RASSF3: variants seen among roughly 807,000 people sequenced by gnomAD.
RASSF3 encodes the protein ras association domain-containing protein 3.
RASSF3 carries 19 observed loss-of-function variants against 19.9 expected under a neutral mutation model. That is an observed-to-expected ratio of 0.96 (90% CI 0.67 to 1.40). The LOEUF (loss-of-function observed/expected upper bound fraction) is 1.40, where lower values mean the gene tolerates loss of function less well. Among genes scored for constraint, RASSF3 ranks in the 40% most tolerant of loss-of-function variants. RASSF3 has a pLI of 0.00. For synonymous variants in RASSF3, 110 were observed against 104.2 expected (o/e 1.06, Z -0.34); for missense variants, 306 against 289.8 (o/e 1.06, Z -0.41).
At chr12:64,557,107 G>T (rs765068490) in intron 2 of RASSF3, among the ~76,000 whole-genome samples, 4 of 152,024 alleles carry the variant, frequency 2.6e-5, no homozygotes, top group Non-Finnish European at 5.9e-5. Context: ...AAAGTGCTAG[G>T]ATTACAGGTA....
intron 1 of RASSF3, among the ~76,000 whole-genome samples, chr12:64,621,355 G>C (rs1870755004): frequency 6.6e-6 from 1 of 152,196 alleles, no homozygotes; most frequent in Admixed American, 6.5e-5. Context: ...GCAAAATCTT[G>C]AGAGAGCACT....
chr12:64,690,505 TTACTCTGTCACC>T (rs1348502707), intron 3 of RASSF3, among the ~76,000 whole-genome samples: 2 of 151,884 alleles, frequency 1.3e-5, no homozygotes, highest in Non-Finnish European at 2.9e-5. Flanking sequence ...AGACAGCGTC[TTACTCTGTCACC>T]TAGGCTGGAG....
At chr12:64,544,406 G>A (rs952296501), downstream of RASSF3, among the ~76,000 whole-genome samples, 2 of 152,194 alleles carry the variant, frequency 1.3e-5, no homozygotes, top group African/African-American at 4.8e-5. Context: ...TTCAAGAACT[G>A]TAATACTCAC....
chr12:64,582,520 T>C (rs1454131814), intron 2 of RASSF3, among the ~76,000 whole-genome samples: 1 of 152,228 alleles, frequency 6.6e-6, no homozygotes, highest in Non-Finnish European at 1.5e-5. Context: ...TCTTTTTCTG[T>C]CTTCAAGACA....
chr12:64,615,407 A>G (rs543979614), intron 1 of RASSF3, among the ~76,000 whole-genome samples: 39 of 152,310 alleles, frequency 2.6e-4, no homozygotes, highest in Non-Finnish European at 5.4e-4. Context: ...AACAACCCAC[A>G]CTTTAAAAAA....
chr12:64,630,347 G>A (rs904884369), intron 1 of RASSF3, among the ~76,000 whole-genome samples: 22 of 152,102 alleles, frequency 1.4e-4, no homozygotes, highest in Admixed American at 1.1e-3. Flanking sequence ...GCAACAGAGC[G>A]AGACATTGTC....
chr12:64,551,282 A>G (rs1869155385), intron 2 of RASSF3, among the ~76,000 whole-genome samples: 1 of 152,216 alleles, frequency 6.6e-6, no homozygotes, highest in Admixed American at 6.5e-5. Flanking sequence ...GGCGGGCACT[A>G]TAACATGCAA....
chr12:64,604,651 C>T lies in RASSF3; in HGVS notation c.294+62946C>T, dbSNP rs893153007. Among the ~76,000 whole-genome samples the T allele has an allele frequency of 6.9e-3, 958 of 138,818 alleles. 10 individuals are homozygous for T. Among genetic ancestry groups the T allele is most frequent in the African/African-American group, 0.021 (802 of 37,658 alleles). The allele number at this position is 138,818 out of a possible 152,430, so 91.1% of individuals were successfully genotyped here. On this transcript the variant is annotated intron_variant, in intron 2 of 5. Transcript: ENST00000637125. ...TGTAACCAACTCTTTTTTTTTTTTT[C>T]TTTTGAGATGGAGTCTTGCTGTGTC... is the stretch of plus-strand genomic sequence containing the variant.
downstream of RASSF3, among the ~76,000 whole-genome samples, chr12:64,543,465 C>CGCCTGCCCCCCCGCT (rs1592395583): frequency 2.1e-5 from 2 of 93,096 alleles, no homozygotes; most frequent in Non-Finnish European, 4.6e-5. Context: ...CCCCGCTCCC[C>CGCCTGCCCCCCCGCT]ACCCGCCTGC....
chr12:64,646,030 C>G (rs967980595), intron 1 of RASSF3, among the ~76,000 whole-genome samples: 5 of 152,142 alleles, frequency 3.3e-5, no homozygotes, highest in Admixed American at 2.6e-4. Context: ...CAAGTCAGTG[C>G]CACACATTGA....
At chr12:64,516,551 G>A (rs1431103227) in intron 1 of RASSF3, among the ~76,000 whole-genome samples, 3 of 149,272 alleles carry the variant, frequency 2.0e-5, no homozygotes, top group Admixed American at 6.6e-5. Context: ...CCCGGGAGGC[G>A]GAGCTTGCAG....
chr12:64,688,144 T>C, intron 2 of RASSF3, 72 bp from the exon 3 acceptor site: 1 of 1,012,612 alleles, frequency 9.9e-7, no homozygotes, highest in South Asian at 1.3e-5. Context: ...CTTCCCGTTT[T>C]GTTTTGATAT....
In RASSF3 at chr12:64,610,719, G is replaced by C; in HGVS notation, c.87G>C (p.Gln29His). ...ARTSFFRRAP[Q>H]GKPRSGQQDV... Reference sequence around the variant, plus strand: ...CCTCCTTCTTCAGGAGAGCGCCCCAGGGCAAGCCCCGCTCCGGCCAACAAG... The same window carrying C: ...CCTCCTTCTTCAGGAGAGCGCCCCACGGCAAGCCCCGCTCCGGCCAACAAG... The change falls in exon 1 of 5, where the codon CAG becomes CAC. Residue 29 changes from glutamine to histidine, a missense_variant. Coordinates refer to ENST00000542104, the MANE Select transcript of RASSF3 (RefSeq NM_178169.4). The C allele has an allele frequency of 6.3e-7, 1 of 1,591,668 alleles. No homozygotes were observed. Among genetic ancestry groups the C allele is most frequent in the East Asian group, 2.4e-5 (1 of 41,806 alleles).
chr12:64,581,938 G>A (rs1258649175), intron 2 of RASSF3, among the ~76,000 whole-genome samples: 1 of 151,646 alleles, frequency 6.6e-6, no homozygotes, highest in Non-Finnish European at 1.5e-5. Flanking sequence ...CACGATCTTG[G>A]CTCCCTTCAG....
rs10708538 is a variant in RASSF3 at position 64,586,491 on chromosome 12, G to GAAA, written c.294+44808_294+44810dup. On this transcript the variant is annotated intron_variant, in intron 2 of 5. Coordinates refer to the RASSF3 transcript ENST00000637125. ...AGCAACAGAGCAAGACTCCTTCTCA[G>GAAA]AAAAAAAAAAAAAAAAAAAAAAAAG... 2.5e-3 allele frequency among the ~76,000 whole-genome samples: 175 copies of GAAA among 70,120 alleles called. 8 individuals carry two copies. The highest frequency in any genetic ancestry group is 3.0e-3 in the Non-Finnish European group (121 of 40,870). The allele number at this position is 70,120 out of a possible 152,430, so 46.0% of individuals were successfully genotyped here. A position where few individuals can be genotyped will look rare whatever the true frequency, so the allele number is the denominator to read the frequency against.
chr12:64,617,010 A>G (rs1322084751), intron 1 of RASSF3, among the ~76,000 whole-genome samples: 1 of 152,232 alleles, frequency 6.6e-6, no homozygotes, highest in East Asian at 1.9e-4. Flanking sequence ...GACAGAGACT[A>G]GCATTTTTTA....
Position 64,697,384 on chromosome 12 carries a change from A to G in RASSF3, c.*2472A>G, listed in dbSNP as rs1305923735. ...TTTTCTCTTCAATATGTGATGGTACAGGAAGGATGTTAAATGAAGGGGTGG... is the reference window on the plus strand; with the variant it reads ...TTTTCTCTTCAATATGTGATGGTACGGGAAGGATGTTAAATGAAGGGGTGG... On this transcript the variant is annotated 3_prime_UTR_variant, in exon 5 of 5. Coordinates refer to ENST00000542104, the MANE Select transcript of RASSF3 (RefSeq NM_178169.4). 1 of 152,216 alleles carries G rather than the reference A, an allele frequency of 6.6e-6. No individual in the cohort carries two copies. The highest frequency in any genetic ancestry group is 1.5e-5 in the Non-Finnish European group (1 of 68,020). 9.4% of individuals were successfully genotyped at this position (152,216 alleles called of 1,614,324 possible). A position where few individuals can be genotyped will look rare whatever the true frequency, so the allele number is the denominator to read the frequency against.
At chr12:64,618,934 A>G (rs1023529385) in intron 1 of RASSF3, among the ~76,000 whole-genome samples, 2 of 152,208 alleles carry the variant, frequency 1.3e-5, no homozygotes, top group African/African-American at 2.4e-5. Context: ...ATAATAAAAA[A>G]AAAGAAAGAA....
intron 1 of RASSF3, among the ~76,000 whole-genome samples, chr12:64,527,962 TA>T (rs1455164916): frequency 6.9e-6 from 1 of 145,490 alleles, no homozygotes. Flanking sequence ...ATTTAAATTT[TA>T]AAAAATTGAT....
Sources: gnomAD v4.1 joint callset for allele counts (sites outside exome capture counted in the v4.1 genomes callset) on GRCh38, gnomAD v4.1.1 for gene constraint, MANE v1.5 for transcripts, NCBI Gene and HGNC (gene_info 2026-07-23, HGNC 2026-07-21) for gene names.